MLPH: variants seen among roughly 807,000 people sequenced by gnomAD.
MLPH encodes the protein exophilin-3.
MLPH carries 51 observed loss-of-function variants against 72.1 expected under a neutral mutation model. The observed-to-expected ratio is 0.71, with a 90% CI of 0.56 to 0.89. The LOEUF (loss-of-function observed/expected upper bound fraction) is 0.89, where lower values mean the gene tolerates loss of function less well. MLPH is among the 40% of genes least tolerant of loss of function. The pLI is 0.00. For missense variants in MLPH, 743 were observed against 759.9 expected (o/e 0.98, Z 0.26); for synonymous variants, 301 against 310.1 (o/e 0.97, Z 0.31).
At chr2:237,524,675 GT>G (rs1003922860) in intron 6 of MLPH, among the ~76,000 whole-genome samples, 1 of 152,202 alleles carries the variant, frequency 6.6e-6, no homozygotes, top group African/African-American at 2.4e-5. Context: ...ATCCAATCAA[GT>G]TGACACTCAT....
chr2:237,533,477 T>G (rs2080467247), intron 8 of MLPH, among the ~76,000 whole-genome samples: 1 of 135,044 alleles, frequency 7.4e-6, no homozygotes, highest in African/African-American at 2.8e-5. Flanking sequence ...CACTGCAAAC[T>G]CCACCTCCCA....
chr2:237,503,565 G>A (rs1008408877), intron 2 of MLPH, among the ~76,000 whole-genome samples: 1 of 152,116 alleles, frequency 6.6e-6, no homozygotes, highest in Non-Finnish European at 1.5e-5. Context: ...GGTTTACTTT[G>A]GTTGCCACGC....
chr2:237,492,252 A>C (rs2079442543), intron 1 of MLPH, among the ~76,000 whole-genome samples: 1 of 152,186 alleles, frequency 6.6e-6, no homozygotes, highest in South Asian at 2.1e-4. Context: ...AAAGGGCATA[A>C]GATCATCTGA....
chr2:237,527,670 T>C, intron 8 of MLPH, 154 bp downstream of exon 8: 1 of 966,030 alleles, frequency 1.0e-6, no homozygotes, highest in South Asian at 1.5e-5. Context: ...CATCACAATA[T>C]TTTTTGTGGA....
intron 4 of MLPH, among the ~76,000 whole-genome samples, chr2:237,513,784 C>G (rs542604149): frequency 6.6e-6 from 1 of 152,196 alleles, no homozygotes; most frequent in East Asian, 1.9e-4. Flanking sequence ...GGGGAGTTCA[C>G]GGGGTCTCTG....
At chr2:237,494,845 C>A (rs545417354) in intron 2 of MLPH, among the ~76,000 whole-genome samples, 1 of 152,150 alleles carries the variant, frequency 6.6e-6, no homozygotes, top group Non-Finnish European at 1.5e-5. Flanking sequence ...TATGGTGAAA[C>A]GGATGAAAGG....
intron 4 of MLPH, among the ~76,000 whole-genome samples, chr2:237,516,943 A>G (rs117629582): frequency 0.17 from 14,211 of 84,946 alleles, 876 homozygotes; most frequent in African/African-American, 0.19. Flanking sequence ...ATGGATGGAT[A>G]GGTGGATAGG....
In MLPH at chr2:237,505,814, C is replaced by G. The variant is rs1017805327; in HGVS notation, c.111-4760C>G. The stretch of plus-strand genomic sequence containing the variant: ...TGAGGACAGGAGTGCCCCCTTGGCT[C>G]TGTTCTGCCCCACCAGTCACAGCTC... On this transcript the variant is annotated intron_variant, in intron 2 of 15. Coordinates refer to ENST00000264605, the MANE Select transcript of MLPH (RefSeq NM_024101.7). The surrounding 1 kb of genome is among the most constrained non-coding windows in gnomAD (Gnocchi z 4.5). Among the ~76,000 whole-genome samples the G allele has an allele frequency of 3.3e-5, 5 of 152,230 alleles. No homozygotes were observed. Among genetic ancestry groups the G allele is most frequent in the Non-Finnish European group, 7.3e-5 (5 of 68,038 alleles).
At chr2:237,527,647 A>T in intron 8 of MLPH, 131 bp downstream of exon 8, 1 of 1,142,136 alleles carries the variant, frequency 8.8e-7, no homozygotes. Context: ...AAGCCTACTT[A>T]ATGGAGATAC....
rs761425381 is a variant in MLPH, at chr2:237,541,060, T to G, written c.1446+103T>G. The stretch of plus-strand genomic sequence containing the variant: ...AGCTCTAACATCCGCCAGCTCACAC[T>G]GAGCCCTCCCCATTGGCCCAGCATG... On this transcript the variant is annotated intron_variant, in intron 11 of 15. Coordinates refer to ENST00000264605, the MANE Select transcript of MLPH (RefSeq NM_024101.7). This position sits in a 1 kb window ranked among gnomAD's most constrained non-coding sequence, Gnocchi z 5.1. 5 of 1,436,116 alleles carry G rather than the reference T, an allele frequency of 3.5e-6. No homozygotes were observed. Among genetic ancestry groups the G allele is most frequent in the Non-Finnish European group, 4.8e-6 (5 of 1,046,000 alleles). 89.0% of individuals were successfully genotyped at this position (1,436,116 alleles called of 1,614,324 possible).
rs1491420388 is a variant in MLPH, at chr2:237,501,663, CTA to C, written c.110+8128_110+8129del. Among the ~76,000 whole-genome samples the C allele has an allele frequency of 6.5e-3, 661 of 101,608 alleles. 8 individuals carry two copies. Among genetic ancestry groups the C allele is most frequent in the African/African-American group, 0.022 (626 of 28,822 alleles). 66.7% of individuals were successfully genotyped at this position (101,608 alleles called of 152,430 possible). On this transcript the variant is annotated intron_variant, in intron 2 of 15. Transcript: ENST00000264605. ...CTAACATAGTGAAACCACGTCTCTA[CTA>C]AAAAAAAAAAAAAAAAAAAAAAAAT... is the stretch of plus-strand genomic sequence containing the variant.
At chr2:237,494,786 G>A (rs368050461) in intron 2 of MLPH, among the ~76,000 whole-genome samples, 8 of 152,304 alleles carry the variant, frequency 5.3e-5, no homozygotes, top group African/African-American at 9.6e-5. Flanking sequence ...ACACTAGTCC[G>A]GAGCTCAGAG....
chr2:237,514,801 C>T (rs1327807926), intron 4 of MLPH, among the ~76,000 whole-genome samples: 2 of 152,194 alleles, frequency 1.3e-5, no homozygotes, highest in South Asian at 2.1e-4. Context: ...ATGTACCATG[C>T]TGCCTCCCCC....
chr2:237,497,320 G>A (rs879938505), intron 2 of MLPH, among the ~76,000 whole-genome samples: 2 of 152,202 alleles, frequency 1.3e-5, no homozygotes, highest in African/African-American at 2.4e-5. Flanking sequence ...ACAGTGTGGT[G>A]GCAGAGGTAG....
intron 8 of MLPH, among the ~76,000 whole-genome samples, chr2:237,533,497 G>A (rs1023948022): frequency 2.0e-5 from 3 of 147,498 alleles, no homozygotes; most frequent in South Asian, 2.2e-4. Flanking sequence ...AGATTCAAGC[G>A]ATTCTCCTGC....
At chr2:237,492,867 G>C (rs2079454746) in intron 1 of MLPH, among the ~76,000 whole-genome samples, 1 of 152,158 alleles carries the variant, frequency 6.6e-6, no homozygotes, top group Non-Finnish European at 1.5e-5. Context: ...CCACCTAGTG[G>C]GTCAGTCATC....
intron 5 of MLPH, among the ~76,000 whole-genome samples, 177 bp downstream of exon 5, chr2:237,518,825 T>C (rs1202411151): frequency 6.6e-6 from 1 of 152,152 alleles, no homozygotes; most frequent in African/African-American, 2.4e-5. Flanking sequence ...CTGAGATCAT[T>C]GGGCACCAGG....
At chr2:237,514,496 G>T (rs571526674) in intron 4 of MLPH, among the ~76,000 whole-genome samples, 2 of 152,158 alleles carry the variant, frequency 1.3e-5, no homozygotes, top group East Asian at 3.9e-4. Flanking sequence ...AGGGATACTG[G>T]TTTCTATGTC....
chr2:237,495,086 G>A (rs1187751587), intron 2 of MLPH, among the ~76,000 whole-genome samples: 2 of 152,132 alleles, frequency 1.3e-5, no homozygotes, highest in Non-Finnish European at 2.9e-5. Context: ...CACCTCCAAG[G>A]CCATCAGCAC....
Sources: allele counts gnomAD v4.1 joint callset (sites outside exome capture counted in the v4.1 genomes callset), GRCh38; gene constraint gnomAD v4.1.1; non-coding constraint Gnocchi (gnomAD v3.1); transcripts MANE v1.5; gene names NCBI Gene and HGNC (gene_info 2026-07-23, HGNC 2026-07-21).